Variants in LPP observed in about 807,000 individuals in gnomAD.
The protein encoded by LPP is LIM domain containing preferred translocation partner in lipoma.
A neutral mutation model predicts 60.4 loss-of-function variants in LPP; 38 were observed. The ratio of observed to expected loss-of-function variants is 0.63; its 90% CI spans 0.49 to 0.83. The LOEUF is 0.83. Ranked by LOEUF, LPP falls within the 40% of genes least tolerant of loss-of-function variation. The probability of loss-of-function intolerance (pLI) is 0.00; values close to 1 mark genes in which losing one functional copy is unlikely to be tolerated. For synonymous variants in LPP, 328 were observed against 290.8 expected (o/e 1.13, Z -1.30); for missense variants, 902 against 783.6 (o/e 1.15, Z -1.80).
At chr3:188,641,752 G>A (rs1850177245) in intron 7 of LPP, among the ~76,000 whole-genome samples, 1 of 152,154 alleles carries the variant, frequency 6.6e-6, no homozygotes, top group South Asian at 2.1e-4. Flanking sequence ...AGGTAAAGTT[G>A]GCAGCAAAGG....
intron 1 of LPP, among the ~76,000 whole-genome samples, chr3:188,223,399 C>G (rs903221082): frequency 6.6e-6 from 1 of 152,114 alleles, no homozygotes; most frequent in African/African-American, 2.4e-5. Context: ...TGGAAACTTA[C>G]CACGAAATTG....
At chr3:188,333,490 A>G (rs1199825929) in intron 2 of LPP, among the ~76,000 whole-genome samples, 2 of 152,198 alleles carry the variant, frequency 1.3e-5, no homozygotes, top group East Asian at 3.8e-4. Flanking sequence ...ATCTGTGTGA[A>G]AGGACAATGC....
intron 2 of LPP, 44 bp downstream of exon 2, chr3:188,225,571 A>G (rs1717424478): frequency 6.6e-6 from 1 of 152,226 alleles, no homozygotes; most frequent in African/African-American, 2.4e-5. Flanking sequence ...TTTTAAAATC[A>G]ATGTATATGT....
At chr3:188,413,102 G>T (rs1355735057) in intron 4 of LPP, among the ~76,000 whole-genome samples, 1 of 152,118 alleles carries the variant, frequency 6.6e-6, no homozygotes, top group East Asian at 1.9e-4. Context: ...ATGTATCCTG[G>T]GTAGGCAGGA....
In LPP at chr3:188,875,460, T is replaced by G. The variant is rs1186173467; in HGVS notation, c.*981T>G. 2 of 215,668 alleles carry G rather than the reference T, an allele frequency of 9.3e-6. No homozygotes were observed. The highest frequency in any genetic ancestry group is 4.5e-5 in the African/African-American group (2 of 44,378). 13.4% of individuals were successfully genotyped at this position (215,668 alleles called of 1,614,324 possible). A position where few individuals can be genotyped will look rare whatever the true frequency, so the allele number is the denominator to read the frequency against. On this transcript the variant is annotated 3_prime_UTR_variant, in exon 12 of 12. Coordinates refer to ENST00000617246, the MANE Select transcript of LPP (RefSeq NM_001375462.1). Reference sequence around the variant, plus strand: ...AGGATGAAGGCTGTGAAAAAACCGTTCAAATTCTCTTCTTTTTCTTTTTTA... The same window carrying G: ...AGGATGAAGGCTGTGAAAAAACCGTGCAAATTCTCTTCTTTTTCTTTTTTA...
chr3:188,255,339 A>G (rs1463596578), intron 2 of LPP, among the ~76,000 whole-genome samples: 2 of 152,220 alleles, frequency 1.3e-5, no homozygotes, highest in Admixed American at 1.3e-4. Flanking sequence ...CTACCAGGTC[A>G]TAAAGCTAGT....
rs76834472 is a variant in LPP at position 188,230,731 on chromosome 3, C to T, written c.-67+5204C>T. Reference sequence around the variant, plus strand: ...GAGGTTGCGGTGAGCCGAGATCGCACCATTGCACTCCAGCCTGGGCAACAA... The same window carrying T: ...GAGGTTGCGGTGAGCCGAGATCGCATCATTGCACTCCAGCCTGGGCAACAA... On this transcript the variant is annotated intron_variant, in intron 2 of 11. Coordinates refer to ENST00000617246, the MANE Select transcript of LPP (RefSeq NM_001375462.1). 1.1e-4 allele frequency among the ~76,000 whole-genome samples: 16 copies of T among 151,448 alleles called. No homozygotes were observed. In the East Asian group the frequency reaches 2.9e-3, roughly 28 times the overall value.
chr3:188,628,805 G>T (rs1847328321), intron 7 of LPP, among the ~76,000 whole-genome samples: 1 of 151,870 alleles, frequency 6.6e-6, no homozygotes, highest in African/African-American at 2.4e-5. Context: ...ACAACCAAAA[G>T]TGAAAACTTC....
At chr3:188,669,580 A>G (rs1856543418) in intron 7 of LPP, among the ~76,000 whole-genome samples, 2 of 152,142 alleles carry the variant, frequency 1.3e-5, no homozygotes, top group South Asian at 4.1e-4. Context: ...CATCTCAAAA[A>G]AATAAAAAAT....
At chr3:188,708,994 A>G (rs1296190130) in intron 8 of LPP, 1 of 152,242 alleles carries the variant, frequency 6.6e-6, no homozygotes, top group Admixed American at 6.5e-5. Context: ...TCACTGGTCT[A>G]AAGATTCAAG....
intron 1 of LPP, among the ~76,000 whole-genome samples, chr3:188,183,115 T>G (rs987855655): frequency 6.6e-6 from 1 of 152,198 alleles, no homozygotes; most frequent in African/African-American, 2.4e-5. Flanking sequence ...GAGCTGCTTC[T>G]GACCTGCAGT....
At chr3:188,522,379 G>A (rs1251198066) in intron 5 of LPP, among the ~76,000 whole-genome samples, 1 of 152,190 alleles carries the variant, frequency 6.6e-6, no homozygotes, top group African/African-American at 2.4e-5. Flanking sequence ...AACCTCTTTG[G>A]TTCCGTTTTT....
At chr3:188,657,002 T>A (rs892312991) in intron 7 of LPP, among the ~76,000 whole-genome samples, 3 of 152,066 alleles carry the variant, frequency 2.0e-5, no homozygotes, top group African/African-American at 7.2e-5. Context: ...AAAAGGATAT[T>A]CTGTTACCTC....
chr3:188,379,280 G>A (rs539303928), intron 3 of LPP, among the ~76,000 whole-genome samples: 198 of 152,242 alleles, frequency 1.3e-3, no homozygotes, highest in Non-Finnish European at 2.5e-3. Context: ...AGATACAAAT[G>A]ACATTCTGAG....
At position 188,609,746 on chromosome 3, in the gene LPP, A is replaced by G. The variant is rs758886194; in HGVS notation, c.1015A>G (p.Asn339Asp). The G allele has an allele frequency of 1.2e-6, 2 of 1,614,138 alleles. No homozygotes were observed. The highest frequency in any genetic ancestry group is 1.7e-5 in the Admixed American group (1 of 60,026). ...AGGGTACACTCCTCCTGGAGCAGGG[A>G]ACCAGAACCCTCCTGGGATGTATCC... is the stretch of plus-strand genomic sequence containing the variant. ...EPGYTPPGAG[N>D]QNPPGMYPVT... The change falls in exon 7 of 12, where the codon AAC (asparagine) becomes GAC (aspartate). Residue 339 changes from asparagine (N) to aspartate (D), a missense_variant. Asn to Asp is a conservative substitution (Grantham distance 23). Transcript: ENST00000617246. The surrounding 1 kb of genome is among the most constrained non-coding windows in gnomAD (Gnocchi z 6.9).
intron 2 of LPP, among the ~76,000 whole-genome samples, chr3:188,307,290 C>T (rs1751838964): frequency 6.6e-6 from 1 of 152,158 alleles, no homozygotes; most frequent in Non-Finnish European, 1.5e-5. Context: ...ACCAGTGGAT[C>T]TCAGTCCTGG....
rs541968271 is a variant in LPP at position 188,779,484 on chromosome 3, G to C, written c.1410+19202G>C. On this transcript the variant is annotated intron_variant, in intron 9 of 11. Transcript: ENST00000617246. ...GGTTCCCTTTCAATGGGTCGGTCTT[G>C]GAATATGGAGGTCTGCTTTCATTTT... is the stretch of plus-strand genomic sequence containing the variant. 4.2e-4 allele frequency among the ~76,000 whole-genome samples: 64 copies of C among 152,204 alleles called. 1 individual carries two copies. The highest frequency in any genetic ancestry group is 1.5e-3 in the African/African-American group (62 of 41,534).
intron 9 of LPP, among the ~76,000 whole-genome samples, chr3:188,834,123 A>C (rs1397690388): frequency 6.6e-6 from 1 of 152,122 alleles, no homozygotes; most frequent in Non-Finnish European, 1.5e-5. Flanking sequence ...ACTTGGTCCT[A>C]CAAAGTTTTC....
At chr3:188,434,412 T>TATG (rs1791795625) in intron 4 of LPP, among the ~76,000 whole-genome samples, 1 of 152,194 alleles carries the variant, frequency 6.6e-6, no homozygotes, top group African/African-American at 2.4e-5. Flanking sequence ...GAATTGATTG[T>TATG]ATGACCCTAA....
Sources: gnomAD v4.1 joint callset for allele counts (sites outside exome capture counted in the v4.1 genomes callset) on GRCh38, gnomAD v4.1.1 for gene constraint, Gnocchi (gnomAD v3.1) non-coding constraint, MANE v1.5 for transcripts, NCBI Gene and HGNC (gene_info 2026-07-23, HGNC 2026-07-21) for gene names.